The following SNX18 variants were observed in gnomAD, a reference collection of about 807,000 sequenced individuals.
SNX18 encodes sorting nexin-18.
A neutral mutation model predicts 48.7 loss-of-function variants in SNX18; 35 were observed. The observed-to-expected ratio is 0.72, with a 90% CI of 0.55 to 0.95. The LOEUF (loss-of-function observed/expected upper bound fraction) is 0.95, where lower values mean the gene tolerates loss of function less well. SNX18 is among the 40% of genes least tolerant of loss of function. SNX18 has a pLI of 0.00. For missense variants in SNX18, 824 were observed against 871.0 expected, an observed-to-expected ratio of 0.95 and a Z score of 0.68; for synonymous variants, 492 against 384.7, an observed-to-expected ratio of 1.28 and a Z score of -3.26.
the SNX18 span, among the ~76,000 whole-genome samples, chr5:54,631,347 T>C: frequency 6.6e-6 from 1 of 152,254 alleles, no homozygotes. Flanking sequence ...TAATCAATTA[T>C]CATAGAGTAA....
At chr5:54,614,787 T>C in the SNX18 span, among the ~76,000 whole-genome samples, 1 of 152,210 alleles carries the variant, frequency 6.6e-6, no homozygotes, top group African/African-American at 2.4e-5. Flanking sequence ...CAGTCAAGCC[T>C]GGGTGATTAA....
At chr5:54,555,378 C>CTTTTTT in the SNX18 span, among the ~76,000 whole-genome samples, 1 of 144,552 alleles carries the variant, frequency 6.9e-6, no homozygotes, top group Non-Finnish European at 1.5e-5. Context: ...GCATACCTTT[C>CTTTTTT]TTTTTTTTTT....
At chr5:54,559,185 A>T in the SNX18 span, among the ~76,000 whole-genome samples, 1 of 152,206 alleles carries the variant, frequency 6.6e-6, no homozygotes, top group Non-Finnish European at 1.5e-5. Context: ...TTCCTATTAA[A>T]CTATCAATGA....
chr5:54,518,073 G>T lies in SNX18; in HGVS notation c.121G>T (p.Gly41Trp). The stretch of plus-strand genomic sequence containing the variant: ...GCAGGACATCGAGGGCTGGCTCGAG[G>T]GGGTCAACAGCCGCGGCGACCGCGG... ...SEQDIEGWLE[G>W]VNSRGDRGLF... Residue 41 changes from glycine (G) to tryptophan (W), a missense_variant, in exon 1 of 2, where the codon GGG becomes TGG. Around this residue, in one of 3 missense-constraint regions of SNX18, gnomAD observed 377 missense variants for 350.6 expected, o/e 1.08. Transcript: ENST00000381410. The T allele has an allele frequency of 6.5e-7, 1 of 1,542,286 alleles. No individual in the cohort carries two copies. The highest frequency in any genetic ancestry group is 1.4e-5 in the African/African-American group (1 of 70,414).
chr5:54,536,443 A>G (rs1479882801), intron 1 of SNX18, among the ~76,000 whole-genome samples: 2 of 131,622 alleles, frequency 1.5e-5, no homozygotes, highest in African/African-American at 5.9e-5. Flanking sequence ...AAGTGTTCTC[A>G]TTGTTCAATT....
chr5:54,626,974 C>T, the SNX18 span, among the ~76,000 whole-genome samples: 4 of 152,216 alleles, frequency 2.6e-5, no homozygotes, highest in Non-Finnish European at 5.9e-5. Context: ...GAAGATGGCA[C>T]AACAGAGAAT....
At chr5:54,622,539 G>C in the SNX18 span, among the ~76,000 whole-genome samples, 1 of 150,146 alleles carries the variant, frequency 6.7e-6, no homozygotes, top group Non-Finnish European at 1.5e-5. Flanking sequence ...TAAATGCTTT[G>C]ACCACTGTAG....
chr5:54,619,996 C>G, the SNX18 span, among the ~76,000 whole-genome samples: 1 of 152,070 alleles, frequency 6.6e-6, no homozygotes, highest in Non-Finnish European at 1.5e-5. Context: ...TGGGAACAAA[C>G]GGAAGGCGGT....
the SNX18 span, among the ~76,000 whole-genome samples, chr5:54,621,420 T>C: frequency 6.6e-6 from 1 of 152,188 alleles, no homozygotes; most frequent in Admixed American, 6.5e-5. Flanking sequence ...TGTGAGAATT[T>C]TGTTCTAGTA....
intron 1 of SNX18, among the ~76,000 whole-genome samples, chr5:54,526,279 AT>A (rs1265314048): frequency 6.6e-6 from 1 of 151,322 alleles, no homozygotes; most frequent in Non-Finnish European, 1.5e-5. Flanking sequence ...TAACTTTTTT[AT>A]TTTTTTTAGT....
chr5:54,553,146 C>T, the SNX18 span, among the ~76,000 whole-genome samples: 4 of 152,208 alleles, frequency 2.6e-5, no homozygotes, highest in African/African-American at 4.8e-5. Flanking sequence ...GAGGGTCCTA[C>T]GGGCTGCTCT....
rs1171547544 is a variant in SNX18 at position 54,518,484 on chromosome 5, G to A, written c.532G>A (p.Asp178Asn). The A allele has an allele frequency of 6.4e-6, 10 of 1,570,450 alleles. No homozygotes were observed. Among genetic ancestry groups the A allele is most frequent in the Non-Finnish European group, 8.6e-6 (10 of 1,158,278 alleles). Reference protein sequence around the residue: ...PGALGSGAYPDLDGSSSAGVG... With the variant: ...PGALGSGAYPNLDGSSSAGVG... ...CGCTCTGGGCAGCGGAGCATACCCG[G>A]ACCTCGACGGCTCGTCTTCGGCGGG... The change falls in exon 1 of 2, where the codon GAC becomes AAC. Residue 178 changes from aspartate to asparagine, a missense_variant. Transcript: ENST00000381410.
intron 1 of SNX18, among the ~76,000 whole-genome samples, chr5:54,530,127 C>G (rs35261701): frequency 6.6e-6 from 1 of 152,044 alleles, no homozygotes. Context: ...TCCCTCCTCA[C>G]GTGGCATTGT....
At chr5:54,619,785 A>G in the SNX18 span, among the ~76,000 whole-genome samples, 2 of 152,162 alleles carry the variant, frequency 1.3e-5, no homozygotes, top group Non-Finnish European at 2.9e-5. Context: ...GGTATTTAAA[A>G]GGGAAAGAGC....
chr5:54,575,368 C>CTTTTT, the SNX18 span, among the ~76,000 whole-genome samples: 17 of 111,732 alleles, frequency 1.5e-4, no homozygotes, highest in African/African-American at 5.1e-4. Context: ...CTCCCCACTG[C>CTTTTT]TTTTTTTTTT....
chr5:54,568,480 C>T, the SNX18 span, among the ~76,000 whole-genome samples: 9,550 of 152,238 alleles, frequency 0.063, 399 homozygotes, highest in Non-Finnish European at 0.096. Context: ...CCCTACTTGA[C>T]TCATTGCTCT....
chr5:54,605,804 C>A, the SNX18 span, among the ~76,000 whole-genome samples: 1 of 152,122 alleles, frequency 6.6e-6, no homozygotes, highest in African/African-American at 2.4e-5. Flanking sequence ...GGACTACAGG[C>A]ATGTGCCAAC....
At chr5:54,549,085 G>C (rs1463043382), downstream of SNX18, among the ~76,000 whole-genome samples, 1 of 151,950 alleles carries the variant, frequency 6.6e-6, no homozygotes, top group Non-Finnish European at 1.5e-5. Context: ...ATTTTCAATC[G>C]TCCATTGGTT....
chr5:54,530,703 C>T (rs907081231), intron 1 of SNX18, among the ~76,000 whole-genome samples: 1 of 143,202 alleles, frequency 7.0e-6, no homozygotes, highest in Admixed American at 7.1e-5. Flanking sequence ...GGTAAATACT[C>T]TTCTTATACC....
Sources: allele counts gnomAD v4.1 joint callset (sites outside exome capture counted in the v4.1 genomes callset), GRCh38; gene constraint gnomAD v4.1.1; regional missense constraint gnomAD v4.1.1; transcripts MANE v1.5; gene names NCBI Gene and HGNC (gene_info 2026-07-23, HGNC 2026-07-21).